Variants in MEF2C observed in about 807,000 individuals in gnomAD.
MEF2C encodes the protein myocyte enhancer factor 2C.
A neutral mutation model predicts 50.5 loss-of-function variants in MEF2C; 6 were observed. That is an observed-to-expected ratio of 0.12 (90% CI 0.07 to 0.23). The LOEUF (loss-of-function observed/expected upper bound fraction) is 0.23, where lower values mean the gene tolerates loss of function less well. Among genes scored for constraint, MEF2C ranks in the 10% least tolerant of loss-of-function variants. MEF2C has a pLI of 1.00. For synonymous variants in MEF2C, 183 were observed against 228.0 expected (o/e 0.80, Z 1.78); for missense variants, 276 against 605.0 (o/e 0.46, Z 5.70).
chr5:88,871,458 C>T (rs75775920), intron 1 of MEF2C, among the ~76,000 whole-genome samples: 1 of 152,044 alleles, frequency 6.6e-6, no homozygotes, highest in East Asian at 1.9e-4. Context: ...GCAAGTATTC[C>T]TTGTGCTGAG....
At chr5:88,774,318 G>A (rs1408223981) in intron 3 of MEF2C, among the ~76,000 whole-genome samples, 1 of 150,106 alleles carries the variant, frequency 6.7e-6, no homozygotes, top group Non-Finnish European at 1.5e-5. Context: ...TTTCTTTTCT[G>A]CAAATAAGTT....
At chr5:88,885,039 G>C (rs557630866), upstream of MEF2C, among the ~76,000 whole-genome samples, 2 of 148,644 alleles carry the variant, frequency 1.3e-5, no homozygotes, top group Non-Finnish European at 3.0e-5. Flanking sequence ...ATAGAACATG[G>C]AATATATGAG....
chr5:88,765,166 TA>T (rs1779511450), intron 3 of MEF2C, among the ~76,000 whole-genome samples: 1 of 152,228 alleles, frequency 6.6e-6, no homozygotes, highest in African/African-American at 2.4e-5. Context: ...CGAATCTAAG[TA>T]ATGATTCAAG....
chr5:88,898,358 C>T (rs546163638), intron 1 of MEF2C, among the ~76,000 whole-genome samples: 2 of 152,210 alleles, frequency 1.3e-5, no homozygotes, highest in Non-Finnish European at 2.9e-5. Context: ...TGGATGGAAT[C>T]GGTTCATTGG....
intron 1 of MEF2C, among the ~76,000 whole-genome samples, chr5:88,827,549 C>G (rs1811394961): frequency 6.6e-6 from 1 of 151,936 alleles, no homozygotes; most frequent in African/African-American, 2.4e-5. Context: ...GAGGACAATT[C>G]AGACCGGGAG....
chr5:88,786,121 G>GCA (rs1269237372), intron 3 of MEF2C, among the ~76,000 whole-genome samples: 3 of 151,810 alleles, frequency 2.0e-5, no homozygotes, highest in Non-Finnish European at 4.4e-5. Context: ...TAAAAAAAAA[G>GCA]CACACACACA....
intron 5 of MEF2C, chr5:88,751,007 G>T: frequency 1.3e-6 from 1 of 763,664 alleles, no homozygotes; most frequent in Non-Finnish European, 1.6e-6. Flanking sequence ...TATTTTTGAT[G>T]CTGCTTCTGG....
At chr5:88,865,109 C>A (rs1826878551) in intron 1 of MEF2C, among the ~76,000 whole-genome samples, 1 of 152,060 alleles carries the variant, frequency 6.6e-6, no homozygotes, top group Non-Finnish European at 1.5e-5. Flanking sequence ...GTTGCCCAGG[C>A]TGGTCTCAAA....
intron 6 of MEF2C, among the ~76,000 whole-genome samples, chr5:88,744,691 C>G (rs1041787943): frequency 2.0e-5 from 3 of 152,214 alleles, no homozygotes; most frequent in African/African-American, 7.2e-5. Flanking sequence ...CTGTTACTAA[C>G]TAATGTATTA....
intron 4 of MEF2C, among the ~76,000 whole-genome samples, chr5:88,759,568 G>T (rs1210767935): frequency 6.6e-6 from 1 of 152,076 alleles, no homozygotes; most frequent in Non-Finnish European, 1.5e-5. Context: ...AATACCAATG[G>T]ATATTTTATT....
chr5:88,739,417 T>A, intron 6 of MEF2C: 10 of 961,028 alleles, frequency 1.0e-5, no homozygotes, highest in Non-Finnish European at 1.2e-5. Context: ...TACATAATAA[T>A]GCTCACTATC....
chr5:88,778,054 G>A (rs935889225), intron 3 of MEF2C, among the ~76,000 whole-genome samples: 14 of 151,660 alleles, frequency 9.2e-5, no homozygotes, highest in African/African-American at 3.1e-4. Context: ...ACAGATGCCC[G>A]CCACCACGCC....
At chr5:88,757,611 C>T (rs945457230) in intron 4 of MEF2C, among the ~76,000 whole-genome samples, 2 of 152,086 alleles carry the variant, frequency 1.3e-5, no homozygotes, top group Non-Finnish European at 2.9e-5. Context: ...AGAAGCTAAA[C>T]TAAATACATT....
At chr5:88,817,807 CTCCTA>C (rs1806185458) in intron 2 of MEF2C, 1 of 151,950 alleles carries the variant, frequency 6.6e-6, no homozygotes, top group Non-Finnish European at 1.5e-5. Flanking sequence ...GGGCTTACCT[CTCCTA>C]TCCTTTCAAA....
chr5:88,802,582 G>C (rs766384409), intron 3 of MEF2C, among the ~76,000 whole-genome samples: 9 of 152,144 alleles, frequency 5.9e-5, no homozygotes, highest in Non-Finnish European at 4.4e-5. Flanking sequence ...AGGTAGCTGG[G>C]ACCACACATG....
At chr5:88,740,409 G>C in intron 6 of MEF2C, 2 of 985,260 alleles carry the variant, frequency 2.0e-6, no homozygotes, top group Middle Eastern at 5.2e-4. Context: ...CCATCAAGTA[G>C]GTTTGTGTTG....
intron 6 of MEF2C, chr5:88,743,454 T>G: frequency 1.0e-6 from 1 of 985,402 alleles, no homozygotes; most frequent in Non-Finnish European, 1.2e-6. Context: ...AATTAAGCAT[T>G]GTCTGACCTT....
intron 1 of MEF2C, among the ~76,000 whole-genome samples, chr5:88,867,646 C>T (rs993933582): frequency 6.6e-6 from 1 of 152,074 alleles, no homozygotes; most frequent in Non-Finnish European, 1.5e-5. Context: ...TAAGCTTTTA[C>T]ACACATATCA....
At chr5:88,812,030 A>G (rs903126395) in intron 2 of MEF2C, among the ~76,000 whole-genome samples, 3 of 152,166 alleles carry the variant, frequency 2.0e-5, no homozygotes, top group Non-Finnish European at 2.9e-5. Flanking sequence ...ATACCAGTGT[A>G]AATAACTTGT....
Sources: gnomAD v4.1 joint callset for allele counts (sites outside exome capture counted in the v4.1 genomes callset) on GRCh38, gnomAD v4.1.1 for gene constraint, MANE v1.5 for transcripts, NCBI Gene and HGNC (gene_info 2026-07-23, HGNC 2026-07-21) for gene names.